Variants in MTFR1 observed in about 807,000 individuals in gnomAD.
The protein encoded by MTFR1 is chondrocyte protein with a poly-proline region.
In MTFR1, 28 loss-of-function variants were observed where a neutral mutation model predicts 38.8. The ratio of observed to expected loss-of-function variants is 0.72; its 90% confidence interval spans 0.53 to 0.99. MTFR1 has a LOEUF of 0.99. MTFR1 is among the 50% of genes least tolerant of loss of function. The pLI, the probability that MTFR1 is intolerant of heterozygous loss-of-function variation, is 0.00. For missense variants in MTFR1, 358 were observed against 395.5 expected (o/e 0.91, Z 0.81); for synonymous variants, 145 against 137.0 (o/e 1.06, Z -0.41).
chr8:65,761,167 G>C (rs1236324129), intron 3 of MTFR1, among the ~76,000 whole-genome samples: 1 of 151,908 alleles, frequency 6.6e-6, no homozygotes, highest in African/African-American at 2.4e-5. Context: ...CCTGATTCAA[G>C]CAATTCTCCT....
intron 1 of MTFR1, among the ~76,000 whole-genome samples, chr8:65,667,155 A>G (rs560570166): frequency 2.6e-5 from 4 of 151,834 alleles, no homozygotes; most frequent in Admixed American, 6.6e-5. Flanking sequence ...GCATGCCTGT[A>G]CTCCCAGCCA....
At chr8:65,727,027 C>G in intron 3 of MTFR1, 1 of 1,022,028 alleles carries the variant, frequency 9.8e-7, no homozygotes, top group East Asian at 2.4e-5. Flanking sequence ...CATATCATTA[C>G]TAACAATACT....
rs1200954333 is a variant in MTFR1 at position 65,665,244 on chromosome 8, G to GT, written c.-80-4625dup. On this transcript the variant is annotated intron_variant, in intron 1 of 7. Transcript: ENST00000262146. ...CACCATGCCTGGGCTTTAATGATAG[G>GT]TTTTCAAACTCCACATAAAACCATC... Among the ~76,000 whole-genome samples, 3 of 151,950 alleles carry GT rather than the reference G, an allele frequency of 2.0e-5. No individual in the cohort carries two copies. In the East Asian group the frequency reaches 5.8e-4, roughly 29 times the overall value.
chr8:65,736,747 A>G (rs961543449), intron 3 of MTFR1, among the ~76,000 whole-genome samples: 1 of 151,290 alleles, frequency 6.6e-6, no homozygotes, highest in African/African-American at 2.4e-5. Flanking sequence ...AAGACTCTCC[A>G]AAAGAAAAAG....
chr8:65,736,153 G>A (rs1342669110), intron 3 of MTFR1, among the ~76,000 whole-genome samples: 1 of 152,128 alleles, frequency 6.6e-6, no homozygotes, highest in African/African-American at 2.4e-5. Context: ...CAATAAGCCA[G>A]CATCACAACT....
chr8:65,770,119 TTCTGTGTGTGTGTGTGTGTG>T lies in MTFR1; in HGVS notation c.*49-826_*49-807del, dbSNP rs541118093. Among the ~76,000 whole-genome samples, 1,206 of 120,622 alleles carry T rather than the reference TTCTGTGTGTGTGTGTGTGTG, an allele frequency of 1.0e-2. 10 individuals are homozygous for T. The highest frequency in any genetic ancestry group is 0.041 in the African/African-American group (1,159 of 28,424). The allele number at this position is 120,622 out of a possible 152,430, so 79.1% of individuals were successfully genotyped here. A position where few individuals can be genotyped will look rare whatever the true frequency, so the allele number is the denominator to read the frequency against. ...ATTTGTCTTATTACTTGCAGTATAC[TTCTGTGTGTGTGTGTGTGTG>T]TGTGTGTGTGTGTGTGTGTGTGTGC... is the stretch of plus-strand genomic sequence containing the variant. On this transcript the variant is annotated intron_variant, in intron 3 of 3. Coordinates refer to the MTFR1 transcript ENST00000521247.
chr8:65,766,620 T>G (rs1808799568), intron 3 of MTFR1, among the ~76,000 whole-genome samples: 1 of 152,222 alleles, frequency 6.6e-6, no homozygotes, highest in Admixed American at 6.5e-5. Flanking sequence ...GTCAGTCTCT[T>G]CCTCTCTCCC....
intron 3 of MTFR1, chr8:65,724,351 T>G (rs1351586159): frequency 7.5e-6 from 12 of 1,606,904 alleles, no homozygotes; most frequent in Non-Finnish European, 9.4e-6. Context: ...TTCAAAGCCA[T>G]CTAGCAAACA....
rs150214153 is a variant in MTFR1 at position 65,723,948 on chromosome 8, T to C, written c.*48+4467T>C. 6.4e-4 allele frequency among the ~76,000 whole-genome samples: 98 copies of C among 152,290 alleles called. 1 individual carries two copies. The East Asian group carries it at 0.017, about 26-fold the overall frequency. On this transcript the variant is annotated intron_variant, in intron 3 of 3. Coordinates refer to the MTFR1 transcript ENST00000521247. ...CACACACAAAAGTTTTACATGTTCA[T>C]ATGGCCCTCCACACACGACAAGGAT...
At chr8:65,693,793 A>C (rs1374983141) in intron 4 of MTFR1, 34 bp downstream of exon 4, 1 of 1,493,410 alleles carries the variant, frequency 6.7e-7, no homozygotes, top group Admixed American at 1.7e-5. Flanking sequence ...CTGAGATGCA[A>C]TATCTATTTT....
intron 3 of MTFR1, among the ~76,000 whole-genome samples, chr8:65,720,029 TATG>T (rs1016396594): frequency 6.6e-6 from 1 of 152,202 alleles, no homozygotes; most frequent in African/African-American, 2.4e-5. Context: ...AGGCAAAACT[TATG>T]ATAAGAGTCA....
intron 3 of MTFR1, among the ~76,000 whole-genome samples, chr8:65,755,349 T>G (rs1010271005): frequency 2.0e-5 from 3 of 152,120 alleles, no homozygotes; most frequent in Non-Finnish European, 4.4e-5. Context: ...ATTTAGGTTT[T>G]TGTTTTGTTT....
chr8:65,653,938 C>T (rs1438489843), intron 1 of MTFR1, among the ~76,000 whole-genome samples: 7 of 151,846 alleles, frequency 4.6e-5, no homozygotes, highest in Non-Finnish European at 1.0e-4. Flanking sequence ...GATGATATGC[C>T]TATAGTCCTA....
At chr8:65,702,297 C>CTTTTTTTTTTTTTTTT (rs530863447) in intron 4 of MTFR1, among the ~76,000 whole-genome samples, 4 of 110,270 alleles carry the variant, frequency 3.6e-5, no homozygotes, top group East Asian at 2.8e-4. Flanking sequence ...TTCTTTCTTT[C>CTTTTTTTTTTTTTTTT]TTTTTTTTTT....
At chr8:65,679,033 C>G (rs966303790) in intron 2 of MTFR1, among the ~76,000 whole-genome samples, 1 of 152,200 alleles carries the variant, frequency 6.6e-6, no homozygotes, top group African/African-American at 2.4e-5. Context: ...CAGGCAGAAA[C>G]ATAGTTCCTG....
chr8:65,644,135 T>C (rs983084215), upstream of MTFR1, among the ~76,000 whole-genome samples: 2 of 152,234 alleles, frequency 1.3e-5, no homozygotes, highest in African/African-American at 4.8e-5. Flanking sequence ...ACGACAATTA[T>C]TTGAAATCCA....
chr8:65,687,580 C>T (rs1042260206), intron 3 of MTFR1, among the ~76,000 whole-genome samples: 4 of 152,024 alleles, frequency 2.6e-5, no homozygotes, highest in Admixed American at 6.6e-5. Flanking sequence ...CTCCTGACCT[C>T]GTGATCCGCC....
chr8:65,776,491 G>T, the MTFR1 span, among the ~76,000 whole-genome samples: 1 of 152,068 alleles, frequency 6.6e-6, no homozygotes, highest in Non-Finnish European at 1.5e-5. Context: ...ATTTAGGAAA[G>T]AAGAAAAACT....
intron 1 of MTFR1, among the ~76,000 whole-genome samples, chr8:65,665,826 T>C (rs896778107): frequency 6.6e-6 from 1 of 152,248 alleles, no homozygotes; most frequent in African/African-American, 2.4e-5. Flanking sequence ...AATTCTTTTA[T>C]TGGCATATTG....
Sources: allele counts gnomAD v4.1 joint callset (sites outside exome capture counted in the v4.1 genomes callset), GRCh38; gene constraint gnomAD v4.1.1; transcripts MANE v1.5; gene names NCBI Gene and HGNC (gene_info 2026-07-23, HGNC 2026-07-21).